The following MYO1C variants were observed in gnomAD, a reference collection of about 807,000 sequenced individuals.
MYO1C encodes myosin IC, also known as unconventional myosin-Ic.
A neutral mutation model predicts 150.8 loss-of-function variants in MYO1C; 104 were observed. The ratio of observed to expected loss-of-function variants is 0.69; its 90% CI spans 0.59 to 0.81. The LOEUF (loss-of-function observed/expected upper bound fraction) is 0.81. MYO1C is among the 30% of genes least tolerant of loss of function. The pLI, the probability that MYO1C is intolerant of heterozygous loss-of-function variation, is 0.00. For synonymous variants in MYO1C, 663 were observed against 579.9 expected, an observed-to-expected ratio of 1.14 and a Z score of -2.06; for missense variants, 1,504 against 1,435.0, an observed-to-expected ratio of 1.05 and a Z score of -0.78.
Position 1,483,898 on chromosome 17 carries a change from C to G in MYO1C, c.232-173G>C, listed in dbSNP as rs373877556. 4.8e-4 allele frequency among the ~76,000 whole-genome samples: 73 copies of G among 152,168 alleles called. 1 individual carries two copies. The highest frequency in any genetic ancestry group is 1.7e-3 in the African/African-American group (72 of 41,518). ...TCTCTACTAAAAATACAAAATTAGC[C>G]GGGCGTGGTGGCGGGTGCCTGTAAT... is the stretch of plus-strand genomic sequence containing the variant. On this transcript the variant is annotated intron_variant, in intron 2 of 31. Coordinates refer to ENST00000648651, the MANE Select transcript of MYO1C (RefSeq NM_001080779.2).
intron 5 of MYO1C, chr17:1,481,089 G>A (rs1365003323): frequency 1.7e-6 from 1 of 597,904 alleles, no homozygotes; most frequent in East Asian, 2.8e-5. Context: ...CAACTCCAAC[G>A]ACCTGGCTGC....
chr17:1,469,548 G>T lies in MYO1C; in HGVS notation c.2593C>A (p.Pro865Thr). ...CTCCGTACCTGCTGCTTCCACTCAGGGCTGATACTCCGGCAGTATTTCCAC... is the reference window on the plus strand; with the variant it reads ...CTCCGTACCTGCTGCTTCCACTCAGTGCTGATACTCCGGCAGTATTTCCAC... ...MVWKYCRSIS[P>T]EWKQQLQQKA... is the part of the protein sequence containing the mutation. Residue 865 changes from proline (P) to threonine (T), a missense_variant, in exon 25 of 32, where the codon CCT becomes ACT. Transcript: ENST00000648651. 1.2e-6 allele frequency: 2 copies of T among 1,612,608 alleles called. No homozygotes were observed. Among genetic ancestry groups the T allele is most frequent in the Non-Finnish European group, 1.7e-6 (2 of 1,179,400 alleles).
intron 7 of MYO1C, 65 bp downstream of exon 7, chr17:1,480,460 AAC>A: frequency 2.4e-5 from 33 of 1,403,642 alleles, no homozygotes; most frequent in East Asian, 1.1e-4. Context: ...AAAAATAAAA[AAC>A]AAAAAAAAAA....
rs902610625 is a variant in MYO1C at position 1,464,739 on chromosome 17, C to T, written c.*987G>A. On this transcript the variant is annotated 3_prime_UTR_variant, in exon 32 of 32. Coordinates refer to ENST00000648651, the MANE Select transcript of MYO1C (RefSeq NM_001080779.2). ...TGGATGATCTCTCAGCGTCTTCCAA[C>T]CTCTATGGTCTAAGACGGCCTTCCC... 1.3e-5 allele frequency: 2 copies of T among 152,486 alleles called. No individual in the cohort carries two copies. Among genetic ancestry groups the T allele is most frequent in the Non-Finnish European group, 2.9e-5 (2 of 68,096 alleles). 9.4% of individuals were successfully genotyped at this position (152,486 alleles called of 1,614,324 possible).
chr17:1,474,272 CA>C, intron 17 of MYO1C, among the ~76,000 whole-genome samples: 1 of 151,824 alleles, frequency 6.6e-6, no homozygotes, highest in African/African-American at 2.4e-5. Flanking sequence ...ACTTAAAATA[CA>C]AAAAATTAGC....
chr17:1,467,489 TTGA>T lies in MYO1C; in HGVS notation c.3053_3055del (p.Ile1018del). 6.2e-7 allele frequency: 1 copy of T among 1,612,700 alleles called. No individual in the cohort carries two copies. Among genetic ancestry groups the T allele is most frequent in the Non-Finnish European group, 8.5e-7 (1 of 1,179,666 alleles). On this transcript the variant is annotated inframe_deletion, in exon 30 of 32. Coordinates refer to ENST00000648651, the MANE Select transcript of MYO1C (RefSeq NM_001080779.2). ...GCCGCCCGCGCCTCACCTGCCCTGG[TTGA>T]TGTTGATGCTGTTCACGCGGTTGGC...
Position 1,483,718 on chromosome 17 carries a change from A to G in MYO1C, c.239T>C (p.Ile80Thr), listed in dbSNP as rs767226068. 6.2e-7 allele frequency: 1 copy of G among 1,610,394 alleles called. No individual in the cohort carries two copies. The highest frequency in any genetic ancestry group is 8.5e-7 in the Non-Finnish European group (1 of 1,178,492). ...ATTGACAGAGACCAGGACGGGGCCA[A>G]TGTAGGTCTGGGATCGGGGGAAGAG... ...RFRENLIYTYIGPVLVSVNPY... is the reference protein window; with the variant it reads ...RFRENLIYTYTGPVLVSVNPY... The change falls in exon 3 of 32, where the codon ATT (isoleucine) becomes ACT (threonine). Residue 80 changes from isoleucine (I) to threonine (T), a missense_variant. Ile to Thr is a moderately conservative substitution (Grantham distance 89). Transcript: ENST00000648651.
chr17:1,482,528 C>A lies in MYO1C; in HGVS notation c.577G>T (p.Asp193Tyr), dbSNP rs139080275. ...TACTTCCCGAACCTGCTGGAGTTAT[C>A]GTTCCGGAGGGTCTTGGCATTTCCA... ...AFGNAKTLRN[D>Y]NSSRFGKYMD... Residue 193 changes from aspartate to tyrosine, a missense_variant, in exon 5 of 32, where the codon GAT becomes TAT. Asp to Tyr is a radical substitution (Grantham distance 160). Transcript: ENST00000648651. 5 of 1,614,040 alleles carry A rather than the reference C, an allele frequency of 3.1e-6. No homozygotes were observed. The highest frequency in any genetic ancestry group is 4.2e-6 in the Non-Finnish European group (5 of 1,179,988).
intron 1 of MYO1C, among the ~76,000 whole-genome samples, chr17:1,490,601 C>G (rs2074718464): frequency 6.6e-6 from 1 of 152,168 alleles, no homozygotes; most frequent in African/African-American, 2.4e-5. Context: ...TGCCTTCCTC[C>G]TACCAATCCA....
At chr17:1,482,598 C>T (rs760625395) in intron 4 of MYO1C, 40 bp from the exon 5 acceptor site, 8 of 1,563,530 alleles carry the variant, frequency 5.1e-6, no homozygotes, top group Middle Eastern at 1.7e-4. Flanking sequence ...CTGGCACTCT[C>T]CCCCTGCCCT....
At position 1,476,315 on chromosome 17, in the gene MYO1C, G is replaced by T. The variant is rs146095436; in HGVS notation, c.1574+1190C>A. Among the ~76,000 whole-genome samples, 674 of 152,036 alleles carry T rather than the reference G, an allele frequency of 4.4e-3. 9 individuals are homozygous for T. In the East Asian group the frequency reaches 0.056, roughly 13 times the overall value. ...TAGCTCCCAAGTAGCTGGAATTATA[G>T]GTGCCCACTACCACGCCTGACTAAT... On this transcript the variant is annotated intron_variant, in intron 14 of 31. Transcript: ENST00000648651.
intron 17 of MYO1C, among the ~76,000 whole-genome samples, chr17:1,473,147 C>T (rs1037230285): frequency 8.5e-5 from 13 of 152,190 alleles, no homozygotes; most frequent in African/African-American, 3.1e-4. Context: ...TTGCAGTGAG[C>T]CGAGATCGCG....
intron 17 of MYO1C, among the ~76,000 whole-genome samples, chr17:1,473,860 C>T (rs2074350420): frequency 6.6e-6 from 1 of 152,296 alleles, no homozygotes; most frequent in East Asian, 1.9e-4. Flanking sequence ...ACCCCTTCCG[C>T]CCCGTCAGGC....
intron 5 of MYO1C, chr17:1,481,088 C>A (rs546619556): frequency 6.7e-6 from 4 of 598,082 alleles, no homozygotes; most frequent in African/African-American, 5.6e-5. Context: ...TCAACTCCAA[C>A]GACCTGGCTG....
At chr17:1,487,233 T>C (rs1425301366) in intron 1 of MYO1C, 1 of 152,404 alleles carries the variant, frequency 6.6e-6, no homozygotes, top group African/African-American at 2.4e-5. Flanking sequence ...AGAGGCCTAC[T>C]GAGAGCCAGG....
Position 1,477,591 on chromosome 17 carries a change from C to CTCA in MYO1C, c.1485_1487dup (p.Asp495dup). ...TGGCCTCCCCGGGGCGCAGACACTC[C>CTCA]TCATCCTGGGGGGTGTGGCACAGGG... On this transcript the variant is annotated inframe_insertion, in exon 14 of 32. Transcript: ENST00000648651. 7.4e-6 allele frequency: 12 copies of CTCA among 1,613,302 alleles called. No individual in the cohort carries two copies. The highest frequency in any genetic ancestry group is 1.0e-5 in the Non-Finnish European group (12 of 1,179,888).
Position 1,474,814 on chromosome 17 carries a change from CCTT to C in MYO1C, c.1711_1713del (p.Lys571del), listed in dbSNP as rs748857441. 15 of 1,613,784 alleles carry C rather than the reference CCTT, an allele frequency of 9.3e-6. No homozygotes were observed. Among genetic ancestry groups the C allele is most frequent in the Non-Finnish European group, 1.3e-5 (15 of 1,179,874 alleles). On this transcript the variant is annotated inframe_deletion, in exon 16 of 32. Transcript: ENST00000648651. Reference sequence around the variant, plus strand: ...CGGCCTCCCCACGTCCTCCTCACCTCCTTAAGGTTCCGGAAGAGAAGGTCATTG... The same window carrying C: ...CGGCCTCCCCACGTCCTCCTCACCTCAAGGTTCCGGAAGAGAAGGTCATTG...
chr17:1,491,122 G>A (rs2074724710), intron 1 of MYO1C: 1 of 152,288 alleles, frequency 6.6e-6, no homozygotes, highest in Non-Finnish European at 1.5e-5. Context: ...ACCCCTGGAT[G>A]AATGAATGAA....
rs1051403308 is a variant in MYO1C at position 1,480,469 on chromosome 17, A to T, written c.906+58T>A. On this transcript the variant is annotated intron_variant, in intron 7 of 31. Transcript: ENST00000648651. ...GTCTCAAAAAATAAAAAACAAAAAAAAAAGGAGATTTTGGGGGTGTGACAG... is the reference window on the plus strand; with the variant it reads ...GTCTCAAAAAATAAAAAACAAAAAATAAAGGAGATTTTGGGGGTGTGACAG... The T allele has an allele frequency of 5.5e-5, 80 of 1,449,596 alleles. 1 individual carries two copies. In the African/African-American group the frequency reaches 1.0e-3, roughly 19 times the overall value. 89.8% of individuals were successfully genotyped at this position (1,449,596 alleles called of 1,614,324 possible). A position where few individuals can be genotyped will look rare whatever the true frequency, so the allele number is the denominator to read the frequency against.
Sources: gnomAD v4.1 joint callset for allele counts (sites outside exome capture counted in the v4.1 genomes callset) on GRCh38, gnomAD v4.1.1 for gene constraint, MANE v1.5 for transcripts, NCBI Gene and HGNC (gene_info 2026-07-23, HGNC 2026-07-21) for gene names.